Variants in LHFPL6 observed in about 807,000 individuals in gnomAD.
LHFPL6 encodes LHFPL tetraspan subfamily member 6 protein.
In LHFPL6, 9 loss-of-function variants were observed where a neutral mutation model predicts 20.6. That is an observed-to-expected ratio of 0.44 (90% CI 0.26 to 0.76). The LOEUF is 0.76. Ranked by LOEUF, LHFPL6 falls within the 30% of genes least tolerant of loss-of-function variation. The pLI is 0.20. For missense variants in LHFPL6, 218 were observed against 253.5 expected, an observed-to-expected ratio of 0.86 and a Z score of 0.95; for synonymous variants, 105 against 98.7, an observed-to-expected ratio of 1.06 and a Z score of -0.38.
Position 39,437,631 on chromosome 13 carries a change from C to T in LHFPL6, c.386-59105G>A, listed in dbSNP as rs539913409. 1.1e-4 allele frequency among the ~76,000 whole-genome samples: 16 copies of T among 152,248 alleles called. No individual in the cohort carries two copies. In the South Asian group the frequency reaches 1.5e-3, roughly 14 times the overall value. ...GTGCAAGAATTAAATAGGCCAGGCG[C>T]GGTGGCTCACGCCTGTAATCCCAGC... On this transcript the variant is annotated intron_variant, in intron 2 of 3. Transcript: ENST00000379589.
intron 3 of LHFPL6, among the ~76,000 whole-genome samples, chr13:39,348,463 GA>G (rs1869470261): frequency 6.6e-6 from 1 of 152,122 alleles, no homozygotes; most frequent in Admixed American, 6.5e-5. Context: ...TAATGATAAT[GA>G]ATGTTCCCAG....
chr13:39,534,124 G>GT lies in LHFPL6; in HGVS notation c.385+66707dup, dbSNP rs572537793. 1.8e-4 allele frequency among the ~76,000 whole-genome samples: 27 copies of GT among 152,228 alleles called. No individual in the cohort carries two copies. The East Asian group carries it at 5.2e-3, about 29-fold the overall frequency. Reference sequence around the variant, plus strand: ...ATGACAAGTAAAAAACAAGAGATAAGTTTTTTACCATGAAACTAACCTTGA... The same window carrying GT: ...ATGACAAGTAAAAAACAAGAGATAAGTTTTTTTACCATGAAACTAACCTTGA... On this transcript the variant is annotated intron_variant, in intron 2 of 3. Transcript: ENST00000379589.
chr13:39,466,178 G>T lies in LHFPL6; in HGVS notation c.386-87652C>A, dbSNP rs534714981. Among the ~76,000 whole-genome samples the T allele has an allele frequency of 2.6e-3, 400 of 152,184 alleles. 1 individual carries two copies. The highest frequency in any genetic ancestry group is 9.2e-3 in the African/African-American group (384 of 41,522). On this transcript the variant is annotated intron_variant, in intron 2 of 3. Coordinates refer to ENST00000379589, the MANE Select transcript of LHFPL6 (RefSeq NM_005780.3). ...ACATGATTTAGTAAATCTTAAAAAC[G>T]TTCAGCCTAAATGTTTGGATCTGAG...
At chr13:39,444,876 CCA>C (rs1195912214) in intron 2 of LHFPL6, among the ~76,000 whole-genome samples, 3 of 152,162 alleles carry the variant, frequency 2.0e-5, no homozygotes, top group Non-Finnish European at 4.4e-5. Context: ...AGACCATGAA[CCA>C]CAGAGTCACC....
At chr13:39,372,870 T>G (rs1446371618) in intron 3 of LHFPL6, among the ~76,000 whole-genome samples, 6 of 152,220 alleles carry the variant, frequency 3.9e-5, no homozygotes, top group Non-Finnish European at 8.8e-5. Context: ...TCAAGTATTA[T>G]TTTGTACCAT....
chr13:39,409,647 T>C (rs1172815108), intron 2 of LHFPL6, among the ~76,000 whole-genome samples: 1 of 152,128 alleles, frequency 6.6e-6, no homozygotes, highest in Admixed American at 6.5e-5. Flanking sequence ...AAATTTGACA[T>C]GACAGTTCAA....
intron 2 of LHFPL6, among the ~76,000 whole-genome samples, chr13:39,559,808 T>C (rs1871415036): frequency 6.6e-6 from 1 of 152,228 alleles, no homozygotes; most frequent in Non-Finnish European, 1.5e-5. Flanking sequence ...CTCAACTATA[T>C]TATTAATAAT....
At chr13:39,344,444 C>A (rs1360984310) in intron 3 of LHFPL6, among the ~76,000 whole-genome samples, 3 of 152,172 alleles carry the variant, frequency 2.0e-5, no homozygotes, top group African/African-American at 7.2e-5. Flanking sequence ...TGATGCAATC[C>A]TTCTGCAAAA....
intron 2 of LHFPL6, among the ~76,000 whole-genome samples, chr13:39,526,727 A>G (rs533353836): frequency 1.4e-4 from 22 of 152,370 alleles, no homozygotes; most frequent in Non-Finnish European, 1.9e-4. Flanking sequence ...CTCAGCCTTC[A>G]GACACATCGA....
chr13:39,474,885 G>T (rs143026472), intron 2 of LHFPL6, among the ~76,000 whole-genome samples: 5 of 152,178 alleles, frequency 3.3e-5, no homozygotes, highest in Admixed American at 2.0e-4. Flanking sequence ...GGGAGTAGGG[G>T]AGGGCCTTCT....
intron 2 of LHFPL6, among the ~76,000 whole-genome samples, chr13:39,429,960 C>A (rs1871744722): frequency 6.6e-6 from 1 of 152,234 alleles, no homozygotes; most frequent in Admixed American, 6.5e-5. Flanking sequence ...AATCAATCAG[C>A]AACACTAACT....
intron 2 of LHFPL6, among the ~76,000 whole-genome samples, chr13:39,514,186 G>T (rs1049889635): frequency 6.6e-6 from 1 of 151,932 alleles, no homozygotes; most frequent in Non-Finnish European, 1.5e-5. Flanking sequence ...TAATCAGAAG[G>T]GACTAAAGTC....
intron 2 of LHFPL6, among the ~76,000 whole-genome samples, chr13:39,517,699 A>T (rs1869972549): frequency 1.3e-5 from 2 of 152,076 alleles, no homozygotes; most frequent in Non-Finnish European, 1.5e-5. Flanking sequence ...TATTATTATA[A>T]TTTTTTAAAA....
At chr13:39,362,101 A>T (rs1869889160) in intron 3 of LHFPL6, among the ~76,000 whole-genome samples, 1 of 152,254 alleles carries the variant, frequency 6.6e-6, no homozygotes, top group African/African-American at 2.4e-5. Context: ...TCTATGTGAC[A>T]TGGTTTGGAT....
chr13:39,583,923 G>A (rs1017141297), intron 2 of LHFPL6, among the ~76,000 whole-genome samples: 3 of 151,898 alleles, frequency 2.0e-5, no homozygotes, highest in South Asian at 2.1e-4. Flanking sequence ...CAAGCGCCTC[G>A]TCTTGTCCCT....
chr13:39,464,817 C>T (rs984306515), intron 2 of LHFPL6, among the ~76,000 whole-genome samples: 1 of 151,330 alleles, frequency 6.6e-6, no homozygotes, highest in Admixed American at 6.6e-5. Flanking sequence ...ACTTGTTTCA[C>T]TTCTTAATCA....
chr13:39,525,360 G>A (rs1167897683), intron 2 of LHFPL6, among the ~76,000 whole-genome samples: 2 of 152,044 alleles, frequency 1.3e-5, no homozygotes, highest in African/African-American at 2.4e-5. Flanking sequence ...CTGACTTAAA[G>A]TTTATACTGA....
chr13:39,354,638 A>T (rs1869679982), intron 3 of LHFPL6, among the ~76,000 whole-genome samples: 1 of 152,192 alleles, frequency 6.6e-6, no homozygotes, highest in African/African-American at 2.4e-5. Context: ...CGAGGAAACC[A>T]GTAAAATAAT....
At chr13:39,495,583 C>A (rs78292596) in intron 2 of LHFPL6, among the ~76,000 whole-genome samples, 3,270 of 148,828 alleles carry the variant, frequency 0.022, 123 homozygotes, top group African/African-American at 0.076. Flanking sequence ...GATATCTTTC[C>A]TTTCAACGAC....
Sources: allele counts gnomAD v4.1 joint callset (sites outside exome capture counted in the v4.1 genomes callset), GRCh38; gene constraint gnomAD v4.1.1; transcripts MANE v1.5; gene names NCBI Gene and HGNC (gene_info 2026-07-23, HGNC 2026-07-21).